The following SPARCL1 variants were observed in gnomAD, a reference collection of about 807,000 sequenced individuals.
SPARCL1 encodes the protein SPARC-like protein 1.
In SPARCL1, 52 loss-of-function variants were observed where a neutral mutation model predicts 67.1. The observed-to-expected ratio is 0.78, with a 90% CI of 0.62 to 0.98. The LOEUF (loss-of-function observed/expected upper bound fraction) is 0.98. Among genes scored for constraint, SPARCL1 ranks in the 50% least tolerant of loss-of-function variants. The pLI is 0.00. For synonymous variants in SPARCL1, 226 were observed against 267.8 expected (o/e 0.84, Z 1.52); for missense variants, 717 against 782.4 (o/e 0.92, Z 1.00).
chr4:87,517,535 T>C (rs1725631790), intron 1 of SPARCL1, among the ~76,000 whole-genome samples: 1 of 152,216 alleles, frequency 6.6e-6, no homozygotes, highest in African/African-American at 2.4e-5. Context: ...TGCCTTTAAC[T>C]CTTCTCCCTA....
chr4:87,527,652 T>C (rs1726103634), intron 1 of SPARCL1, among the ~76,000 whole-genome samples: 1 of 152,156 alleles, frequency 6.6e-6, no homozygotes, highest in Non-Finnish European at 1.5e-5. Flanking sequence ...AGGAAGGAAA[T>C]GCCAGCACTC....
At chr4:87,513,399 C>T (rs75661260) in intron 1 of SPARCL1, among the ~76,000 whole-genome samples, 8,240 of 152,228 alleles carry the variant, frequency 0.054, 725 homozygotes, top group African/African-American at 0.19. Flanking sequence ...GAACAGGCTA[C>T]AGACTAGAAG....
At chr4:87,524,002 T>G (rs967952825) in intron 1 of SPARCL1, among the ~76,000 whole-genome samples, 2 of 152,226 alleles carry the variant, frequency 1.3e-5, no homozygotes, top group African/African-American at 4.8e-5. Context: ...GTTTTGCTCC[T>G]TGCTGCATTT....
chr4:87,507,064 G>T (rs1038119943), intron 1 of SPARCL1, among the ~76,000 whole-genome samples: 1 of 152,016 alleles, frequency 6.6e-6, no homozygotes, highest in Non-Finnish European at 1.5e-5. Flanking sequence ...TTTAAGTTTT[G>T]CTGTGAGGTC....
intron 10 of SPARCL1, 58 bp from the exon 11 acceptor site, chr4:87,473,861 A>T (rs1274899566): frequency 8.4e-7 from 1 of 1,189,946 alleles, no homozygotes; most frequent in Non-Finnish European, 1.2e-6. Flanking sequence ...GTAGTAGCAC[A>T]AACAATATTA....
intron 1 of SPARCL1, among the ~76,000 whole-genome samples, chr4:87,516,886 C>T (rs1042177633): frequency 6.6e-6 from 1 of 152,138 alleles, no homozygotes; most frequent in East Asian, 1.9e-4. Flanking sequence ...CAGAGTTTCT[C>T]GTCTTATCAT....
chr4:87,503,877 G>A lies in SPARCL1; in HGVS notation c.-11-4292C>T, dbSNP rs565868802. On this transcript the variant is annotated intron_variant, in intron 1 of 10. Transcript: ENST00000282470. ...TATTTTTAGTAGAGACAGGGGTTTC[G>A]CCATGTTGCCCAGGCTGGTCTCGAA... 1.4e-3 allele frequency among the ~76,000 whole-genome samples: 213 copies of A among 151,538 alleles called. 2 individuals carry two copies. The highest frequency in any genetic ancestry group is 4.9e-3 in the African/African-American group (203 of 41,296).
chr4:87,502,840 T>C (rs907819385), intron 1 of SPARCL1, among the ~76,000 whole-genome samples: 1 of 152,206 alleles, frequency 6.6e-6, no homozygotes, highest in African/African-American at 2.4e-5. Flanking sequence ...CCATGGAGCA[T>C]TGGAGGGCTT....
chr4:87,515,564 G>A (rs944196200), intron 1 of SPARCL1, among the ~76,000 whole-genome samples: 3 of 152,146 alleles, frequency 2.0e-5, no homozygotes, highest in Admixed American at 1.3e-4. Flanking sequence ...TTAAAGATGA[G>A]GGATGATAGG....
chr4:87,481,692 T>G (rs756230185), intron 8 of SPARCL1, among the ~76,000 whole-genome samples: 1 of 152,360 alleles, frequency 6.6e-6, no homozygotes, highest in East Asian at 1.9e-4. Context: ...TAATCCCAAC[T>G]GACATACTTA....
chr4:87,483,889 G>GAA (rs1328994791), intron 7 of SPARCL1, among the ~76,000 whole-genome samples: 1 of 152,064 alleles, frequency 6.6e-6, no homozygotes, highest in African/African-American at 2.4e-5. Context: ...TCTTCTTTTT[G>GAA]AGAAGTGTCT....
Position 87,473,412 on chromosome 4 carries a change from C to T in SPARCL1, c.*363G>A, listed in dbSNP as rs1723427893. On this transcript the variant is annotated 3_prime_UTR_variant, in exon 11 of 11. Coordinates refer to ENST00000282470, the MANE Select transcript of SPARCL1 (RefSeq NM_004684.6). ...ACGTAAACCACAAAAGAGTAGCATT[C>T]CATTTTCTTGAAGTGCACATGATAT... The T allele has an allele frequency of 6.1e-6, 1 of 164,600 alleles. No homozygotes were observed. Among genetic ancestry groups the T allele is most frequent in the African/African-American group, 2.4e-5 (1 of 41,962 alleles). 10.2% of individuals were successfully genotyped at this position (164,600 alleles called of 1,614,324 possible).
Position 87,493,848 on chromosome 4 carries a change from C to G in SPARCL1, c.952G>C (p.Glu318Gln). The G allele has an allele frequency of 3.7e-6, 6 of 1,614,144 alleles. No homozygotes were observed. The highest frequency in any genetic ancestry group is 5.1e-6 in the Non-Finnish European group (6 of 1,180,022). Residue 318 changes from glutamate (E) to glutamine (Q), a missense_variant, in exon 4 of 11, where the codon GAG (glutamate) becomes CAG (glutamine). Glu to Gln is a conservative substitution (Grantham distance 29). Coordinates refer to ENST00000282470, the MANE Select transcript of SPARCL1 (RefSeq NM_004684.6). Reference sequence around the variant, plus strand: ...TCAGTAGGTTCCATGAGCAGAGCCTCAGAAACAGTCTTTTCTTCTGTCTCT... The same window carrying G: ...TCAGTAGGTTCCATGAGCAGAGCCTGAGAAACAGTCTTTTCTTCTGTCTCT... ...HKETEEKTVS[E>Q]ALLMEPTDDG... is the part of the protein sequence containing the mutation.
chr4:87,497,525 T>C (rs190516726), intron 2 of SPARCL1, among the ~76,000 whole-genome samples: 2 of 152,392 alleles, frequency 1.3e-5, no homozygotes, highest in East Asian at 3.9e-4. Context: ...CATATTTCTA[T>C]TTATTTAACT....
In SPARCL1 at chr4:87,529,355, G is replaced by C. The variant is rs533104631; in HGVS notation, c.-322C>G. The C allele has an allele frequency of 6.6e-6, 1 of 152,252 alleles. No homozygotes were observed. Among genetic ancestry groups the C allele is most frequent in the East Asian group, 1.9e-4 (1 of 5,180 alleles). 9.4% of individuals were successfully genotyped at this position (152,252 alleles called of 1,614,324 possible). A position where few individuals can be genotyped will look rare whatever the true frequency, so the allele number is the denominator to read the frequency against. ...TCCCTAGCAGGCTGGCCTCTCATGC[G>C]AGGGCTTTACAGGCAGTGCTTGCAA... On this transcript the variant is annotated 5_prime_UTR_variant, in exon 1 of 11. Transcript: ENST00000282470.
chr4:87,524,624 G>A (rs1725962867), intron 1 of SPARCL1, among the ~76,000 whole-genome samples: 1 of 152,008 alleles, frequency 6.6e-6, no homozygotes, highest in African/African-American at 2.4e-5. Flanking sequence ...TTTTTCCCTT[G>A]CTATGTAAAC....
rs1724451953 is a variant in SPARCL1 at position 87,493,645 on chromosome 4, C to T, written c.1155G>A (p.Glu385=). ...CATTTTCATGTACTTTTTCTCTTTG[C>T]TCCTCAATTTTGAGGTGATAGGCAA... ...QSIAYHLKIE[E]QREKVHENEN... is the part of the protein sequence containing the mutation. The change falls in exon 4 of 11, where the codon GAG becomes GAA. Residue 385 remains glutamate, a synonymous_variant. Coordinates refer to ENST00000282470, the MANE Select transcript of SPARCL1 (RefSeq NM_004684.6). 1.9e-6 allele frequency: 3 copies of T among 1,613,794 alleles called. No homozygotes were observed. The highest frequency in any genetic ancestry group is 2.7e-5 in the African/African-American group (2 of 74,896).
Position 87,486,888 on chromosome 4 carries a change from C to CTTTTTTTTTTTTTTTTTTTTTTTTTTT in SPARCL1, c.1531+3358_1531+3384dup, listed in dbSNP as rs57597004. Reference sequence around the variant, plus strand: ...TCTGAGGCTAGTATTGCAATTCCTGCTTTTTTTTTTTTTTTTTTTTTTTTT... The same window carrying CTTTTTTTTTTTTTTTTTTTTTTTTTTT: ...TCTGAGGCTAGTATTGCAATTCCTGCTTTTTTTTTTTTTTTTTTTTTTTTTTTTTTTTTTTTTTTTTTTTTTTTTTTT... On this transcript the variant is annotated intron_variant, in intron 7 of 10. Coordinates refer to ENST00000282470, the MANE Select transcript of SPARCL1 (RefSeq NM_004684.6). Among the ~76,000 whole-genome samples the CTTTTTTTTTTTTTTTTTTTTTTTTTTT allele has an allele frequency of 2.5e-4, 7 of 28,000 alleles. 2 individuals carry two copies. The highest frequency in any genetic ancestry group is 4.6e-4 in the Admixed American group (1 of 2,178). The allele number at this position is 28,000 out of a possible 152,430, so 18.4% of individuals were successfully genotyped here. A position where few individuals can be genotyped will look rare whatever the true frequency, so the allele number is the denominator to read the frequency against.
intron 4 of SPARCL1, 46 bp downstream of exon 4, chr4:87,493,536 G>A (rs1182775706): frequency 6.5e-7 from 1 of 1,528,380 alleles, no homozygotes; most frequent in Admixed American, 1.9e-5. Context: ...ACTGTTTATT[G>A]ATAATGCTGG....
Sources: allele counts gnomAD v4.1 joint callset (sites outside exome capture counted in the v4.1 genomes callset), GRCh38; gene constraint gnomAD v4.1.1; transcripts MANE v1.5; gene names NCBI Gene and HGNC (gene_info 2026-07-23, HGNC 2026-07-21).